NFIA: variants seen among roughly 807,000 people sequenced by gnomAD.
The protein encoded by NFIA is nuclear factor I A, also known as nuclear factor 1 A-type.
Under a neutral mutation model 62.8 loss-of-function variants are expected in NFIA, and 8 were observed. The ratio of observed to expected loss-of-function variants is 0.13; its 90% CI spans 0.07 to 0.23. The LOEUF (loss-of-function observed/expected upper bound fraction) is 0.23, where lower values mean the gene tolerates loss of function less well. Among genes scored for constraint, NFIA ranks in the 10% least tolerant of loss-of-function variants. The pLI, the probability that NFIA is intolerant of heterozygous loss-of-function variation, is 1.00. For synonymous variants in NFIA, 235 were observed against 238.1 expected (o/e 0.99, Z 0.12); for missense variants, 410 against 642.1 (o/e 0.64, Z 3.91).
chr1:61,185,631 C>T (rs1210020001), intron 2 of NFIA, among the ~76,000 whole-genome samples: 1 of 149,868 alleles, frequency 6.7e-6, no homozygotes, highest in African/African-American at 2.5e-5. Flanking sequence ...CCTTTCTAAC[C>T]CCACTTTTTT....
intron 2 of NFIA, among the ~76,000 whole-genome samples, chr1:61,262,475 A>G (rs1305889722): frequency 6.6e-6 from 1 of 152,262 alleles, no homozygotes; most frequent in African/African-American, 2.4e-5. Flanking sequence ...CCAACGAGGC[A>G]GCATTAAAAC....
chr1:61,444,316 C>CT (rs1258661058), intron 10 of NFIA, among the ~76,000 whole-genome samples: 1 of 152,222 alleles, frequency 6.6e-6, no homozygotes, highest in Non-Finnish European at 1.5e-5. Flanking sequence ...CTCTGTCCTT[C>CT]TTTGCCTCTG....
chr1:61,192,042 C>T (rs556956180), intron 2 of NFIA, among the ~76,000 whole-genome samples: 12 of 149,212 alleles, frequency 8.0e-5, no homozygotes, highest in Middle Eastern at 3.4e-3. Context: ...TCACTGCAAC[C>T]TCCACCTCCC....
intron 3 of NFIA, among the ~76,000 whole-genome samples, chr1:61,294,652 A>G (rs567695345): frequency 6.4e-4 from 97 of 152,350 alleles, no homozygotes; most frequent in African/African-American, 2.3e-3. Flanking sequence ...GAAAGCAAGG[A>G]TTGTTTTTCT....
chr1:61,404,293 CT>C lies in NFIA; in HGVS notation c.1254+12del, dbSNP rs751580278. ...GTGGGGTTCCTCAATGTAAGGAAAC[CT>C]CTTTTTTTCCATTTCTTTAGAAATG... is the stretch of plus-strand genomic sequence containing the variant. On this transcript the variant is annotated intron_variant, in intron 8 of 10. Coordinates refer to ENST00000403491, the MANE Select transcript of NFIA (RefSeq NM_001134673.4). 31 of 1,587,420 alleles carry C rather than the reference CT, an allele frequency of 2.0e-5. No individual in the cohort carries two copies. Among genetic ancestry groups the C allele is most frequent in the Middle Eastern group, 1.7e-4 (1 of 5,906 alleles).
intron 2 of NFIA, among the ~76,000 whole-genome samples, chr1:61,116,065 C>T (rs1646788976): frequency 6.6e-6 from 1 of 150,628 alleles, no homozygotes; most frequent in Admixed American, 6.6e-5. Flanking sequence ...TTTTTCCTCC[C>T]CTGGGAGAGT....
At chr1:61,142,937 G>A (rs1557594912) in intron 2 of NFIA, among the ~76,000 whole-genome samples, 1 of 152,124 alleles carries the variant, frequency 6.6e-6, no homozygotes, top group South Asian at 2.1e-4. Flanking sequence ...GAGGAGAACC[G>A]CTTGTGTGGC....
In NFIA at chr1:61,113,957, G is replaced by GT. The variant is rs566088288; in HGVS notation, c.559+25285dup. Among the ~76,000 whole-genome samples, 148 of 152,060 alleles carry GT rather than the reference G, an allele frequency of 9.7e-4. 2 individuals are homozygous for GT. The East Asian group carries it at 0.016, about 17-fold the overall frequency. On this transcript the variant is annotated intron_variant, in intron 2 of 10. Transcript: ENST00000403491. ...ACAGGGATATGACATGCTTCAAGAG[G>GT]TTTTTTTTGAAAGGATTAATCATGA... is the stretch of plus-strand genomic sequence containing the variant.
At chr1:61,170,501 C>T (rs991572292) in intron 2 of NFIA, among the ~76,000 whole-genome samples, 11 of 152,098 alleles carry the variant, frequency 7.2e-5, no homozygotes, top group African/African-American at 1.4e-4. Flanking sequence ...TGCTCACAGT[C>T]GAGTCATAGC....
chr1:61,441,432 A>G (rs528793072), intron 10 of NFIA, among the ~76,000 whole-genome samples: 1 of 152,116 alleles, frequency 6.6e-6, no homozygotes, highest in South Asian at 2.1e-4. Context: ...CACAGTGCAG[A>G]CAAAGGTCAA....
intron 10 of NFIA, among the ~76,000 whole-genome samples, chr1:61,438,678 G>A (rs759946288): frequency 2.6e-5 from 4 of 151,888 alleles, no homozygotes; most frequent in Non-Finnish European, 4.4e-5. Flanking sequence ...GAATCCATAC[G>A]GAGAGCTTCT....
chr1:61,408,004 A>G (rs900018958), intron 9 of NFIA, among the ~76,000 whole-genome samples: 2 of 152,156 alleles, frequency 1.3e-5, no homozygotes, highest in Non-Finnish European at 2.9e-5. Flanking sequence ...TGCCATGTTC[A>G]TAGAATTTGA....
chr1:61,089,726 A>G (rs891017132), intron 2 of NFIA, among the ~76,000 whole-genome samples: 2 of 135,262 alleles, frequency 1.5e-5, no homozygotes, highest in African/African-American at 2.8e-5. Context: ...CAAAGGAGAG[A>G]TGTTACCTGT....
chr1:61,372,820 T>C (rs1389157993), intron 6 of NFIA, among the ~76,000 whole-genome samples: 2 of 152,130 alleles, frequency 1.3e-5, no homozygotes, highest in African/African-American at 4.8e-5. Flanking sequence ...TTTTTAAGCT[T>C]TGAAGGGATC....
At chr1:61,082,928 G>A in intron 1 of NFIA, 110 bp downstream of exon 1, 2 of 1,137,386 alleles carry the variant, frequency 1.8e-6, no homozygotes, top group Non-Finnish European at 2.3e-6. Flanking sequence ...CAGGGCGTGC[G>A]TCTCGGTGTG....
chr1:61,293,182 C>G (rs1479909671), intron 3 of NFIA, among the ~76,000 whole-genome samples: 1 of 152,214 alleles, frequency 6.6e-6, no homozygotes, highest in African/African-American at 2.4e-5. Context: ...CCTCTCTTCT[C>G]TGAGCCTCTC....
intron 2 of NFIA, among the ~76,000 whole-genome samples, chr1:61,126,705 T>C (rs6587912): frequency 0.94 from 142,313 of 151,326 alleles, 67,025 homozygotes; most frequent in Middle Eastern, 0.97. Context: ...TATAAGTTTC[T>C]GAAGTTGCAT....
chr1:61,134,473 C>T (rs192472628), intron 2 of NFIA, among the ~76,000 whole-genome samples: 84 of 152,268 alleles, frequency 5.5e-4, no homozygotes, highest in African/African-American at 2.0e-3. Context: ...TTTCTCATGT[C>T]CATGTTACTC....
At chr1:61,237,658 A>G (rs1424926168) in intron 2 of NFIA, among the ~76,000 whole-genome samples, 2 of 152,012 alleles carry the variant, frequency 1.3e-5, no homozygotes, top group African/African-American at 2.4e-5. Context: ...CTCTCCCATC[A>G]TTGTTTTCAA....
Sources: gnomAD v4.1 joint callset for allele counts (sites outside exome capture counted in the v4.1 genomes callset) on GRCh38, gnomAD v4.1.1 for gene constraint, MANE v1.5 for transcripts, NCBI Gene and HGNC (gene_info 2026-07-23, HGNC 2026-07-21) for gene names.